MYRIP: variants seen among roughly 807,000 people sequenced by gnomAD.
The protein encoded by MYRIP is rab effector MyRIP.
Under a neutral mutation model 98.0 loss-of-function variants are expected in MYRIP, and 49 were observed. The ratio of observed to expected loss-of-function variants is 0.50; its 90% CI spans 0.40 to 0.63. The LOEUF (loss-of-function observed/expected upper bound fraction) is 0.63. MYRIP is among the 30% of genes least tolerant of loss of function. The pLI is 0.00. For synonymous variants in MYRIP, 404 were observed against 409.5 expected, an observed-to-expected ratio of 0.99 and a Z score of 0.16; for missense variants, 1,004 against 1,058.2, an observed-to-expected ratio of 0.95 and a Z score of 0.71.
chr3:39,889,371 C>A (rs1943415428), intron 1 of MYRIP, among the ~76,000 whole-genome samples: 1 of 152,208 alleles, frequency 6.6e-6, no homozygotes, highest in Admixed American at 6.5e-5. Context: ...GAGTTCATGT[C>A]CTTTATAGGG....
intron 1 of MYRIP, among the ~76,000 whole-genome samples, chr3:39,859,014 CAGAA>C (rs759580755): frequency 4.8e-5 from 7 of 144,550 alleles, no homozygotes; most frequent in Admixed American, 1.4e-4. Flanking sequence ...TCAACATCAA[CAGAA>C]AGAAAGGAAG....
intron 2 of MYRIP, among the ~76,000 whole-genome samples, chr3:39,956,674 A>G (rs927266596): frequency 1.3e-5 from 2 of 151,992 alleles, no homozygotes; most frequent in African/African-American, 4.8e-5. Context: ...GAAATAACTA[A>G]GATCAGAGCA....
intron 1 of MYRIP, among the ~76,000 whole-genome samples, chr3:39,849,094 T>C (rs1942053335): frequency 6.6e-6 from 1 of 152,244 alleles, no homozygotes. Flanking sequence ...TACATCTGTC[T>C]ATCCTATAGG....
At chr3:39,974,373 G>T (rs1434095072) in intron 2 of MYRIP, among the ~76,000 whole-genome samples, 1 of 152,116 alleles carries the variant, frequency 6.6e-6, no homozygotes, top group African/African-American at 2.4e-5. Flanking sequence ...TCTCTGAATA[G>T]ACCAATAACA....
At chr3:40,160,389 G>C (rs376033439) in intron 4 of MYRIP, among the ~76,000 whole-genome samples, 13 of 152,326 alleles carry the variant, frequency 8.5e-5, no homozygotes, top group Admixed American at 2.0e-4. Context: ...AACCACTGCT[G>C]TCTTCAAAGC....
chr3:39,959,542 A>AG (rs1201137605), intron 2 of MYRIP, among the ~76,000 whole-genome samples: 2 of 152,000 alleles, frequency 1.3e-5, no homozygotes, highest in Non-Finnish European at 1.5e-5. Context: ...GGGAGCAGGG[A>AG]GGGATGGCAT....
chr3:40,073,665 C>G (rs1375614077), intron 3 of MYRIP, among the ~76,000 whole-genome samples: 2 of 152,342 alleles, frequency 1.3e-5, no homozygotes, highest in Non-Finnish European at 2.9e-5. Flanking sequence ...TTCTTATTAG[C>G]ATGTAGCTAT....
chr3:40,181,547 C>A (rs1326368232), intron 8 of MYRIP, among the ~76,000 whole-genome samples: 2 of 152,030 alleles, frequency 1.3e-5, no homozygotes, highest in African/African-American at 4.8e-5. Flanking sequence ...GTAAAAACAG[C>A]AAAATAAACA....
chr3:40,094,890 C>T (rs1948796558), intron 3 of MYRIP, among the ~76,000 whole-genome samples: 1 of 152,160 alleles, frequency 6.6e-6, no homozygotes, highest in Admixed American at 6.5e-5. Context: ...AAGATGATGG[C>T]TTTGCCAGAG....
At chr3:40,000,623 GGACTTGA>G (rs1374776894) in intron 2 of MYRIP, among the ~76,000 whole-genome samples, 3 of 152,100 alleles carry the variant, frequency 2.0e-5, no homozygotes, top group African/African-American at 7.2e-5. Flanking sequence ...GGTACTTGAG[GGACTTGA>G]TGATTTGTGA....
At position 40,233,938 on chromosome 3, in the gene MYRIP, G is replaced by T. The variant is rs553832907; in HGVS notation, c.1985G>T (p.Gly662Val). 3 of 1,613,916 alleles carry T rather than the reference G, an allele frequency of 1.9e-6. No homozygotes were observed. In the African/African-American group the frequency reaches 4.0e-5, roughly 22 times the overall value. Reference protein sequence around the residue: ...VINATEELIAGSTGPWESPQV... With the variant: ...VINATEELIAVSTGPWESPQV... ...AATGCCACAGAGGAGTTGATAGCAGGATCTACAGGGCCCTGGGAGTCCCCA... is the reference window on the plus strand; with the variant it reads ...AATGCCACAGAGGAGTTGATAGCAGTATCTACAGGGCCCTGGGAGTCCCCA... Residue 662 changes from glycine to valine, a missense_variant, in exon 12 of 17, where the codon GGA (glycine) becomes GTA (valine). By Grantham distance (109) the Gly-to-Val change is moderately radical (BLOSUM62 -3). Around this residue, in one of 3 missense-constraint regions of MYRIP, gnomAD observed 880 missense variants for 907.7 expected, o/e 0.97. Transcript: ENST00000302541.
At chr3:39,919,995 C>T (rs1575379838) in intron 2 of MYRIP, among the ~76,000 whole-genome samples, 1 of 152,050 alleles carries the variant, frequency 6.6e-6, no homozygotes, top group African/African-American at 2.4e-5. Context: ...TCACCTTTCT[C>T]ACCATACAAG....
chr3:40,239,455 T>G (rs2125707159), intron 12 of MYRIP, among the ~76,000 whole-genome samples: 1 of 145,200 alleles, frequency 6.9e-6, no homozygotes, highest in East Asian at 2.0e-4. Context: ...ATGGTATTTC[T>G]AGTTCTAGAT....
At chr3:40,021,523 T>G (rs1254379670) in intron 2 of MYRIP, among the ~76,000 whole-genome samples, 1 of 152,204 alleles carries the variant, frequency 6.6e-6, no homozygotes. Context: ...AGTGACAGAA[T>G]GAAGTCTGGA....
rs553501583 is a variant in MYRIP, at chr3:40,077,956, G to C, written c.332+33685G>C. ...TCCTCAGCCCTTCGGTGGTTGATGG[G>C]ACTGGGCGCCGTGGAGCAGGGGGTG... On this transcript the variant is annotated intron_variant, in intron 3 of 16. Transcript: ENST00000302541. Among the ~76,000 whole-genome samples the C allele has an allele frequency of 1.3e-4, 20 of 152,366 alleles. No homozygotes were observed. The South Asian group carries it at 4.1e-3, about 32-fold the overall frequency.
At chr3:39,932,510 G>A (rs6800978) in intron 2 of MYRIP, among the ~76,000 whole-genome samples, 56,233 of 151,708 alleles carry the variant, frequency 0.37, 10,736 homozygotes, top group East Asian at 0.46. Context: ...ACAGGTGTCC[G>A]CCACCATGCC....
At chr3:40,076,078 G>A (rs1400039798) in intron 3 of MYRIP, among the ~76,000 whole-genome samples, 2 of 152,140 alleles carry the variant, frequency 1.3e-5, no homozygotes, top group Non-Finnish European at 2.9e-5. Flanking sequence ...AGTGGTGCAT[G>A]CCTGTAGTCC....
chr3:39,971,626 T>A (rs1945586297), intron 2 of MYRIP, among the ~76,000 whole-genome samples: 1 of 152,080 alleles, frequency 6.6e-6, no homozygotes, highest in Non-Finnish European at 1.5e-5. Context: ...GCACACTGAT[T>A]TGGCATAAGC....
chr3:40,055,422 C>T (rs1009650773), intron 3 of MYRIP, among the ~76,000 whole-genome samples: 2 of 152,114 alleles, frequency 1.3e-5, no homozygotes, highest in South Asian at 4.2e-4. Context: ...CTCATTTAGC[C>T]CCTAATTGAT....
Sources: allele counts gnomAD v4.1 joint callset (sites outside exome capture counted in the v4.1 genomes callset), GRCh38; gene constraint gnomAD v4.1.1; regional missense constraint gnomAD v4.1.1; transcripts MANE v1.5; gene names NCBI Gene and HGNC (gene_info 2026-07-23, HGNC 2026-07-21).